Variants in DCC observed in about 807,000 individuals in gnomAD.
DCC encodes netrin receptor DCC.
Under a neutral mutation model 172.5 loss-of-function variants are expected in DCC, and 58 were observed. The ratio of observed to expected loss-of-function variants is 0.34; its 90% CI spans 0.27 to 0.42. DCC has a LOEUF of 0.42. Ranked by LOEUF, DCC falls within the 10% of genes least tolerant of loss-of-function variation. DCC has a pLI of 1.00. For missense variants in DCC, 1,740 were observed against 1,791.0 expected, an observed-to-expected ratio of 0.97 and a Z score of 0.51; for synonymous variants, 709 against 644.5, an observed-to-expected ratio of 1.10 and a Z score of -1.52.
Position 52,798,062 on chromosome 18 carries a change from C to T in DCC, c.412+45688C>T, listed in dbSNP as rs139947646. The stretch of plus-strand genomic sequence containing the variant: ...GTTGCTTGCACGAAGGTTGCTTGCA[C>T]GAAGGTTGCTTGCACAAAGGCTACA... On this transcript the variant is annotated intron_variant, in intron 2 of 28. Coordinates refer to ENST00000442544, the MANE Select transcript of DCC (RefSeq NM_005215.4). Among the ~76,000 whole-genome samples, 36 of 152,206 alleles carry T rather than the reference C, an allele frequency of 2.4e-4. No individual in the cohort carries two copies. The East Asian group carries it at 6.0e-3, about 25-fold the overall frequency.
chr18:53,338,333 A>G (rs1241992546), intron 14 of DCC, among the ~76,000 whole-genome samples: 1 of 152,190 alleles, frequency 6.6e-6, no homozygotes, highest in Non-Finnish European at 1.5e-5. Flanking sequence ...GCTGGGCACG[A>G]TGGCTCAAGC....
chr18:52,819,848 A>G (rs913690524), intron 2 of DCC, among the ~76,000 whole-genome samples: 1 of 151,874 alleles, frequency 6.6e-6, no homozygotes, highest in African/African-American at 2.4e-5. Flanking sequence ...CCTCCTGAGT[A>G]GCTGGGACTA....
intron 1 of DCC, among the ~76,000 whole-genome samples, chr18:52,682,610 G>A (rs1042397080): frequency 7.9e-5 from 12 of 152,042 alleles, no homozygotes; most frequent in Non-Finnish European, 2.9e-5. Context: ...TCTGCTATGA[G>A]GTGCTATTCT....
Position 52,964,489 on chromosome 18 carries a change from T to C in DCC, c.985+39119T>C, listed in dbSNP as rs114298786. On this transcript the variant is annotated intron_variant, in intron 5 of 28. Transcript: ENST00000442544. ...AATCTCAATTTTTTTTAAAGAATCA[T>C]GGATTAGGGCTATAGTTGGGTTTAT... Among the ~76,000 whole-genome samples the C allele has an allele frequency of 3.4e-3, 517 of 152,220 alleles. 3 individuals are homozygous for C. The highest frequency in any genetic ancestry group is 0.012 in the African/African-American group (482 of 41,552).
At chr18:53,507,802 CTTT>C (rs1323064987) in intron 27 of DCC, among the ~76,000 whole-genome samples, 3 of 151,558 alleles carry the variant, frequency 2.0e-5, no homozygotes, top group African/African-American at 7.3e-5. Flanking sequence ...AAACATTCTT[CTTT>C]GACATTTCTG....
intron 2 of DCC, among the ~76,000 whole-genome samples, chr18:52,855,371 C>T (rs1158394376): frequency 6.6e-6 from 1 of 152,092 alleles, no homozygotes; most frequent in African/African-American, 2.4e-5. Context: ...TTTCTATATT[C>T]ACAGATGTAA....
intron 26 of DCC, among the ~76,000 whole-genome samples, chr18:53,498,652 C>T (rs557817195): frequency 9.9e-4 from 150 of 151,950 alleles, no homozygotes; most frequent in Admixed American, 1.8e-3. Context: ...CTTCAACTAC[C>T]GTAATCTGCC....
intron 12 of DCC, among the ~76,000 whole-genome samples, chr18:53,222,376 CTTTTTTCTTTTT>C (rs2055950887): frequency 2.0e-5 from 2 of 98,572 alleles, no homozygotes; most frequent in African/African-American, 1.2e-4. Flanking sequence ...TTTTCTTTTT[CTTTTTTCTTTTT>C]TTTTTTTTTT....
chr18:52,463,176 A>AAAAGT (rs1988683495), intron 1 of DCC, among the ~76,000 whole-genome samples: 1 of 152,170 alleles, frequency 6.6e-6, no homozygotes. Flanking sequence ...ACCCAGGAAC[A>AAAAGT]AAAGTAGCAA....
intron 1 of DCC, among the ~76,000 whole-genome samples, chr18:52,588,688 G>T (rs1411524063): frequency 5.9e-5 from 9 of 152,202 alleles, no homozygotes; most frequent in Middle Eastern, 3.4e-3. Context: ...GGGGAGAAAA[G>T]ATGCCCATAA....
chr18:53,404,189 A>C (rs1338108410), intron 19 of DCC, among the ~76,000 whole-genome samples: 2 of 152,118 alleles, frequency 1.3e-5, no homozygotes. Context: ...GCTTATGGGA[A>C]ATCAACAGTA....
At chr18:52,693,806 A>G (rs1007774070) in intron 1 of DCC, among the ~76,000 whole-genome samples, 1 of 152,174 alleles carries the variant, frequency 6.6e-6, no homozygotes, top group African/African-American at 2.4e-5. Context: ...AATCTGAGCA[A>G]CAAAATAGGA....
intron 1 of DCC, among the ~76,000 whole-genome samples, chr18:52,733,254 A>C (rs1057376600): frequency 2.0e-5 from 3 of 152,152 alleles, no homozygotes; most frequent in African/African-American, 7.2e-5. Flanking sequence ...TGGAGTTAGC[A>C]GTGTCTAAGT....
At chr18:53,448,161 G>A (rs546734030) in intron 22 of DCC, among the ~76,000 whole-genome samples, 5 of 150,510 alleles carry the variant, frequency 3.3e-5, no homozygotes, top group Admixed American at 2.7e-4. Flanking sequence ...TGTGAGAATA[G>A]GTTAATTTAG....
At chr18:53,088,144 T>G (rs957280703) in intron 7 of DCC, among the ~76,000 whole-genome samples, 29 of 152,144 alleles carry the variant, frequency 1.9e-4, no homozygotes, top group South Asian at 4.1e-4. Flanking sequence ...GTGAAGAAAG[T>G]CATTGGTAGC....
intron 5 of DCC, among the ~76,000 whole-genome samples, chr18:52,959,571 T>C (rs1290807492): frequency 6.7e-6 from 1 of 150,184 alleles, no homozygotes; most frequent in Non-Finnish European, 1.5e-5. Context: ...TCCCCACTTT[T>C]TGAGTTCCCA....
chr18:53,069,487 G>A (rs924311616), intron 7 of DCC, among the ~76,000 whole-genome samples: 3 of 152,116 alleles, frequency 2.0e-5, no homozygotes, highest in South Asian at 2.1e-4. Flanking sequence ...GAGTGATGGC[G>A]CCTGGATGGA....
At chr18:53,321,446 G>T (rs986793145) in intron 13 of DCC, among the ~76,000 whole-genome samples, 1 of 152,046 alleles carries the variant, frequency 6.6e-6, no homozygotes, top group African/African-American at 2.4e-5. Context: ...TTCTCTGTGC[G>T]TTTTGAAATA....
At chr18:53,070,808 C>T (rs1021632962) in intron 7 of DCC, among the ~76,000 whole-genome samples, 1 of 152,080 alleles carries the variant, frequency 6.6e-6, no homozygotes, top group Non-Finnish European at 1.5e-5. Context: ...CTTATATTTC[C>T]CCCTTACACA....
Sources: gnomAD v4.1 joint callset for allele counts (sites outside exome capture counted in the v4.1 genomes callset) on GRCh38, gnomAD v4.1.1 for gene constraint, MANE v1.5 for transcripts, NCBI Gene and HGNC (gene_info 2026-07-23, HGNC 2026-07-21) for gene names.